The following COPG2 variants were observed in gnomAD, a reference collection of about 807,000 sequenced individuals.
COPG2 encodes the protein coat protein complex I subunit gamma 2, also known as coatomer subunit gamma-2.
A neutral mutation model predicts 46.3 loss-of-function variants in COPG2; 37 were observed. The observed-to-expected ratio is 0.80, with a 90% CI of 0.61 to 1.05. The LOEUF is 1.05. Ranked by LOEUF, COPG2 falls within the 50% of genes least tolerant of loss-of-function variation. COPG2 has a pLI of 0.00. For missense variants in COPG2, 427 were observed against 387.8 expected, an observed-to-expected ratio of 1.10 and a Z score of -0.85; for synonymous variants, 159 against 129.7, an observed-to-expected ratio of 1.23 and a Z score of -1.53.
chr7:130,595,459 A>C (rs1794510603), intron 9 of COPG2, among the ~76,000 whole-genome samples: 1 of 152,220 alleles, frequency 6.6e-6, no homozygotes. Flanking sequence ...TTTTGTGAAT[A>C]TACTAAAAAT....
At chr7:130,577,775 A>AC (rs1554446476) in intron 9 of COPG2, among the ~76,000 whole-genome samples, 1 of 147,458 alleles carries the variant, frequency 6.8e-6, no homozygotes, top group African/African-American at 2.5e-5. Flanking sequence ...CTCAAAAAAA[A>AC]AAAAAAAAAA....
chr7:130,523,361 G>C (rs903645797), intron 20 of COPG2, among the ~76,000 whole-genome samples: 1 of 152,108 alleles, frequency 6.6e-6, no homozygotes, highest in African/African-American at 2.4e-5. Context: ...TCTCTAAAAG[G>C]AACATAGACA....
At chr7:130,584,673 G>A (rs946074337) in intron 9 of COPG2, among the ~76,000 whole-genome samples, 7 of 151,956 alleles carry the variant, frequency 4.6e-5, no homozygotes, top group Non-Finnish European at 8.8e-5. Flanking sequence ...TAGCAACTAA[G>A]CGGAGAATCA....
chr7:130,606,264 AAG>A (rs1563057243), intron 9 of COPG2, among the ~76,000 whole-genome samples: 9 of 150,678 alleles, frequency 6.0e-5, no homozygotes, highest in Non-Finnish European at 8.9e-5. Context: ...GAGAGAAAGA[AAG>A]AGAAAGAGAA....
chr7:130,603,540 T>A (rs1192745445), intron 9 of COPG2, among the ~76,000 whole-genome samples: 1 of 151,834 alleles, frequency 6.6e-6, no homozygotes, highest in Non-Finnish European at 1.5e-5. Flanking sequence ...GCGAACATGG[T>A]CACACTCCGT....
intron 4 of COPG2, among the ~76,000 whole-genome samples, chr7:130,654,752 C>T (rs1330484444): frequency 1.3e-5 from 2 of 152,054 alleles, no homozygotes; most frequent in Non-Finnish European, 2.9e-5. Context: ...GTTGCTGATG[C>T]TCTGTTTATT....
chr7:130,556,841 A>G (rs1330044001), intron 12 of COPG2, among the ~76,000 whole-genome samples: 3 of 151,298 alleles, frequency 2.0e-5, no homozygotes, highest in Non-Finnish European at 2.9e-5. Context: ...AACATTCTTG[A>G]AAAAAAAAGG....
chr7:130,558,923 G>A (rs1044294337), intron 12 of COPG2, among the ~76,000 whole-genome samples: 1 of 152,082 alleles, frequency 6.6e-6, no homozygotes, highest in Non-Finnish European at 1.5e-5. Context: ...ATGGACCAGA[G>A]ATCTAAATGT....
intron 4 of COPG2, among the ~76,000 whole-genome samples, chr7:130,653,468 A>C (rs1795790062): frequency 6.6e-6 from 1 of 152,200 alleles, no homozygotes; most frequent in South Asian, 2.1e-4. Flanking sequence ...TTAAAGGCTC[A>C]TTCCTGGAAA....
intron 9 of COPG2, among the ~76,000 whole-genome samples, chr7:130,577,541 C>T (rs1186499566): frequency 2.0e-5 from 3 of 151,716 alleles, no homozygotes; most frequent in Non-Finnish European, 4.4e-5. Context: ...GCGGGTGGAT[C>T]ATGAGGTCAG....
At chr7:130,623,726 C>T (rs1180162552) in intron 5 of COPG2, among the ~76,000 whole-genome samples, 2 of 152,074 alleles carry the variant, frequency 1.3e-5, no homozygotes, top group East Asian at 3.8e-4. Context: ...GTGGTGCATG[C>T]TACGGCCCCA....
intron 12 of COPG2, among the ~76,000 whole-genome samples, chr7:130,560,417 T>C (rs1793699778): frequency 6.6e-6 from 1 of 152,154 alleles, no homozygotes; most frequent in African/African-American, 2.4e-5. Context: ...CTCCCCAAAT[T>C]GATTTATAGA....
rs868933011 is a variant in COPG2 at position 130,577,792 on chromosome 7, A to C, written c.738-13399T>G. 4.3e-4 allele frequency among the ~76,000 whole-genome samples: 65 copies of C among 151,136 alleles called. 1 individual carries two copies. The highest frequency in any genetic ancestry group is 1.4e-3 in the African/African-American group (57 of 41,072). On this transcript the variant is annotated intron_variant, in intron 9 of 23. Coordinates refer to ENST00000425248, the MANE Select transcript of COPG2 (RefSeq NM_012133.6). The stretch of plus-strand genomic sequence containing the variant: ...CAAAAAAAAAAAAAAAAAAAAACAA[A>C]AAAAAAAAACAGCCCACCACGAGAT...
At chr7:130,584,753 G>A (rs1047368453) in intron 9 of COPG2, among the ~76,000 whole-genome samples, 5 of 152,060 alleles carry the variant, frequency 3.3e-5, no homozygotes, top group Admixed American at 1.3e-4. Flanking sequence ...ATCTAACCAA[G>A]GAGGTGAAAG....
At chr7:130,648,007 C>T (rs559581296) in intron 5 of COPG2, among the ~76,000 whole-genome samples, 4 of 151,950 alleles carry the variant, frequency 2.6e-5, no homozygotes, top group South Asian at 2.1e-4. Flanking sequence ...TGGGATTACA[C>T]GCGTGAGCCA....
intron 5 of COPG2, among the ~76,000 whole-genome samples, chr7:130,643,034 C>T (rs899987291): frequency 2.0e-5 from 3 of 151,696 alleles, no homozygotes; most frequent in African/African-American, 4.8e-5. Flanking sequence ...ATAGGCCGGG[C>T]GCGGTGGCTC....
rs1204594499 is a variant in COPG2, at chr7:130,586,100, CTG to C, written c.738-21709_738-21708del. ...ATCAATCAACAAGTGGATAAGGAAA[CTG>C]TGGTATATTTATATGATGGAATACT... is the stretch of plus-strand genomic sequence containing the variant. On this transcript the variant is annotated intron_variant, in intron 9 of 23. Coordinates refer to ENST00000425248, the MANE Select transcript of COPG2 (RefSeq NM_012133.6). Among the ~76,000 whole-genome samples, 3 of 151,996 alleles carry C rather than the reference CTG, an allele frequency of 2.0e-5. No individual in the cohort carries two copies. The East Asian group carries it at 5.8e-4, about 29-fold the overall frequency.
At chr7:130,658,874 G>T (rs1252978460) in intron 4 of COPG2, among the ~76,000 whole-genome samples, 1 of 151,924 alleles carries the variant, frequency 6.6e-6, no homozygotes, top group Non-Finnish European at 1.5e-5. Flanking sequence ...TAGAGACAGG[G>T]TTTCACTATG....
intron 10 of COPG2, 64 bp downstream of exon 10, chr7:130,564,196 G>C (rs988799931): frequency 5.0e-6 from 2 of 398,314 alleles, no homozygotes; most frequent in Non-Finnish European, 8.8e-6. Flanking sequence ...CTATTCTGTA[G>C]ACCTATGAAA....
Sources: allele counts gnomAD v4.1 joint callset (sites outside exome capture counted in the v4.1 genomes callset), GRCh38; gene constraint gnomAD v4.1.1; transcripts MANE v1.5; gene names NCBI Gene and HGNC (gene_info 2026-07-23, HGNC 2026-07-21).